SGCA: variants seen among roughly 807,000 people sequenced by gnomAD.
The protein encoded by SGCA is sarcoglycan alpha.
In SGCA, 34 loss-of-function variants were observed where a neutral mutation model predicts 38.1. The ratio of observed to expected loss-of-function variants is 0.89; its 90% CI spans 0.68 to 1.19. SGCA has a LOEUF of 1.19. Ranked by LOEUF, SGCA falls within the 50% of genes most tolerant of loss-of-function variation. The pLI, the probability that SGCA is intolerant of heterozygous loss-of-function variation, is 0.00. For missense variants in SGCA, 476 were observed against 524.9 expected, an observed-to-expected ratio of 0.91 and a Z score of 0.91; for synonymous variants, 209 against 214.6, an observed-to-expected ratio of 0.97 and a Z score of 0.23.
At chr17:50,170,705 C>CT in intron 8 of SGCA, 39 bp downstream of exon 8, 1 of 1,539,192 alleles carries the variant, frequency 6.5e-7, no homozygotes, top group Non-Finnish European at 8.8e-7. Flanking sequence ...GGGAGCCCAC[C>CT]TAGACAGTTG....
chr17:50,171,504 C>G (rs760238343), intron 8 of SGCA: 1 of 456,754 alleles, frequency 2.2e-6, no homozygotes, highest in South Asian at 1.5e-5. Flanking sequence ...GCTTGCCTGG[C>G]CTGCCTCATT....
Position 50,167,524 on chromosome 17 carries a change from G to A in SGCA, c.157+37G>A, listed in dbSNP as rs2144493683. 8 of 1,614,080 alleles carry A rather than the reference G, an allele frequency of 5.0e-6. No individual in the cohort carries two copies. Among genetic ancestry groups the A allele is most frequent in the Non-Finnish European group, 6.8e-6 (8 of 1,180,014 alleles). On this transcript the variant is annotated intron_variant, in intron 2 of 9. Coordinates refer to ENST00000262018, the MANE Select transcript of SGCA (RefSeq NM_000023.4). This position sits in a 1 kb window ranked among gnomAD's most constrained non-coding sequence, Gnocchi z 4.5. ...GACAGGCACCCAGGCGGGCGGGCTG[G>A]GGTGTACCCCGCAGGGCTCCTGCTG...
At chr17:50,172,875 T>C (rs1208154429) in intron 8 of SGCA, among the ~76,000 whole-genome samples, 1 of 152,256 alleles carries the variant, frequency 6.6e-6, no homozygotes, top group Non-Finnish European at 1.5e-5. Flanking sequence ...AGGCTTTGCT[T>C]TTATTTTCTG....
At chr17:50,174,643 G>C (rs1230640583) in intron 8 of SGCA, among the ~76,000 whole-genome samples, 1 of 151,874 alleles carries the variant, frequency 6.6e-6, no homozygotes, top group African/African-American at 2.4e-5. Context: ...CACTGCGCCC[G>C]GCCTGGTGGT....
rs1440292381 is a variant in SGCA, at chr17:50,167,492, GC to G, written c.157+6del. 3 of 1,614,170 alleles carry G rather than the reference GC, an allele frequency of 1.9e-6. No homozygotes were observed. The South Asian group carries it at 3.3e-5, about 18-fold the overall frequency. Reference sequence around the variant, plus strand: ...TGAGCCTTCCTGAGCATGTCGGTGAGCGGCCTGACAGGCACCCAGGCGGGCG... The same window carrying G: ...TGAGCCTTCCTGAGCATGTCGGTGAGGGCCTGACAGGCACCCAGGCGGGCG... On this transcript the variant is annotated splice_donor_region_variant and intron_variant, in intron 2 of 9. Coordinates refer to ENST00000262018, the MANE Select transcript of SGCA (RefSeq NM_000023.4). This position sits in a 1 kb window ranked among gnomAD's most constrained non-coding sequence, Gnocchi z 4.5.
Position 50,167,980 on chromosome 17 carries a change from A to G in SGCA, c.346A>G (p.Thr116Ala). Reference protein sequence around the residue: ...TAYNRDSFDTTRQRLVLEIGD... With the variant: ...TAYNRDSFDTARQRLVLEIGD... ...CTACAATCGGGACAGCTTTGATACC[A>G]CTCGGCAGAGGCTGGTGCTGGAGAT... Residue 116 changes from threonine to alanine, a missense_variant, in exon 4 of 10, where the codon ACT (threonine) becomes GCT (alanine). Physicochemically the swap from Thr to Ala is moderately conservative, Grantham distance 58. Coordinates refer to ENST00000262018, the MANE Select transcript of SGCA (RefSeq NM_000023.4). This position sits in a 1 kb window ranked among gnomAD's most constrained non-coding sequence, Gnocchi z 4.5. 3 of 1,613,954 alleles carry G rather than the reference A, an allele frequency of 1.9e-6. No individual in the cohort carries two copies. Among genetic ancestry groups the G allele is most frequent in the South Asian group, 1.1e-5 (1 of 91,080 alleles).
In SGCA at chr17:50,167,497, C is replaced by T. The variant is rs776498843; in HGVS notation, c.157+10C>T. The T allele has an allele frequency of 1.9e-6, 3 of 1,614,148 alleles. No homozygotes were observed. The highest frequency in any genetic ancestry group is 2.5e-6 in the Non-Finnish European group (3 of 1,180,010). On this transcript the variant is annotated intron_variant, in intron 2 of 9. Transcript: ENST00000262018. This position sits in a 1 kb window ranked among gnomAD's most constrained non-coding sequence, Gnocchi z 4.5. ...CTTCCTGAGCATGTCGGTGAGCGGC[C>T]TGACAGGCACCCAGGCGGGCGGGCT... is the stretch of plus-strand genomic sequence containing the variant.
chr17:50,174,178 G>A (rs990699114), intron 8 of SGCA, among the ~76,000 whole-genome samples: 3 of 152,028 alleles, frequency 2.0e-5, no homozygotes, highest in Non-Finnish European at 4.4e-5. Context: ...TAAATTAGCC[G>A]AGCATGGTGG....
intron 8 of SGCA, chr17:50,172,178 C>G (rs549310161): frequency 2.2e-6 from 1 of 457,030 alleles, no homozygotes; most frequent in Admixed American, 2.3e-5. Flanking sequence ...TCACCTTTAC[C>G]TGTGTGGCCA....
chr17:50,168,390 C>T lies in SGCA; in HGVS notation c.402C>T (p.Tyr134=), dbSNP rs780264754. The T allele has an allele frequency of 2.8e-5, 44 of 1,582,398 alleles. No individual in the cohort carries two copies. The highest frequency in any genetic ancestry group is 3.6e-5 in the Admixed American group (2 of 55,160). The change falls in exon 5 of 10, where the codon TAC becomes TAT. Residue 134 remains tyrosine, a synonymous_variant. Coordinates refer to ENST00000262018, the MANE Select transcript of SGCA (RefSeq NM_000023.4). ...CCTTCCCAGGCCCCCTGCTGCCATA[C>T]CAAGCCGAGTTCCTGGTGCGCAGCC... ...IGDPEGPLLP[Y]QAEFLVRSHD...
In SGCA at chr17:50,169,206, C is replaced by T. The variant is rs201860673; in HGVS notation, c.699C>T (p.Tyr233=). The T allele has an allele frequency of 5.5e-5, 88 of 1,613,902 alleles. No homozygotes were observed. Among genetic ancestry groups the T allele is most frequent in the Middle Eastern group, 1.6e-4 (1 of 6,082 alleles). ...GCCAGCCTCCACTTCTGTCTTGCTA[C>T]GACACCTTGGCACCCCACTTCCGCG... ...AQGQPPLLSC[Y]DTLAPHFRVD... is the part of the protein sequence containing the mutation. Residue 233 remains tyrosine (Y), a synonymous_variant, in exon 6 of 10, where the codon TAC becomes TAT. Coordinates refer to ENST00000262018, the MANE Select transcript of SGCA (RefSeq NM_000023.4).
chr17:50,170,705 C>T lies in SGCA; in HGVS notation c.983+39C>T. 1.9e-6 allele frequency: 3 copies of T among 1,539,192 alleles called. No individual in the cohort carries two copies. In the South Asian group the frequency reaches 3.6e-5, roughly 18 times the overall value. On this transcript the variant is annotated intron_variant, in intron 8 of 9. Transcript: ENST00000262018. ...AGCTGGGGGTGGGGTGGGAGCCCAC[C>T]TAGACAGTTGTTGGACCCCGCCACC...
chr17:50,169,257 G>A lies in SGCA; in HGVS notation c.747+3G>A, dbSNP rs368388538. Reference sequence around the variant, plus strand: ...TTGACTGGTGCAATGTGACCCTGGTGAGGAGGGACCCTGGGTCCGGGGGTG... The same window carrying A: ...TTGACTGGTGCAATGTGACCCTGGTAAGGAGGGACCCTGGGTCCGGGGGTG... On this transcript the variant is annotated splice_donor_region_variant and intron_variant, in intron 6 of 9. Coordinates refer to ENST00000262018, the MANE Select transcript of SGCA (RefSeq NM_000023.4). 4 of 1,609,324 alleles carry A rather than the reference G, an allele frequency of 2.5e-6. No individual in the cohort carries two copies. In the African/African-American group the frequency reaches 4.0e-5, roughly 16 times the overall value.
Position 50,175,238 on chromosome 17 carries a change from T to G in SGCA, c.984-19T>G. On this transcript the variant is annotated intron_variant, in intron 8 of 9. Coordinates refer to ENST00000262018, the MANE Select transcript of SGCA (RefSeq NM_000023.4). ...GCAGCTGACTCCCAGAGCTGATGAC[T>G]CCCCACCTGTGCCTCCAGCATCCAG... is the stretch of plus-strand genomic sequence containing the variant. 1 of 1,587,928 alleles carries G rather than the reference T, an allele frequency of 6.3e-7. No individual in the cohort carries two copies. Among genetic ancestry groups the G allele is most frequent in the African/African-American group, 1.3e-5 (1 of 74,664 alleles).
In SGCA at chr17:50,173,498, C is replaced by T. The variant is rs531804928; in HGVS notation, c.984-1759C>T. On this transcript the variant is annotated intron_variant, in intron 8 of 9. Coordinates refer to ENST00000262018, the MANE Select transcript of SGCA (RefSeq NM_000023.4). ...TGGAAGGACCGTGGGGAAGCCACTGCGGGGTCTGGCCTCTGCTCTTGCTCT... is the reference window on the plus strand; with the variant it reads ...TGGAAGGACCGTGGGGAAGCCACTGTGGGGTCTGGCCTCTGCTCTTGCTCT... Among the ~76,000 whole-genome samples, 18 of 152,264 alleles carry T rather than the reference C, an allele frequency of 1.2e-4. No individual in the cohort carries two copies. The South Asian group carries it at 2.1e-3, about 18-fold the overall frequency.
chr17:50,171,384 T>C, intron 8 of SGCA: 1 of 391,366 alleles, frequency 2.6e-6, no homozygotes, highest in South Asian at 1.9e-5. Flanking sequence ...CCCAGCCCTC[T>C]TCCTCTCCCA....
chr17:50,166,749 TC>T, intron 1 of SGCA, among the ~76,000 whole-genome samples: 1 of 44,276 alleles, frequency 2.3e-5, no homozygotes, highest in Non-Finnish European at 4.2e-5. Flanking sequence ...TCACACACCC[TC>T]ACACACCCTC....
Position 50,175,719 on chromosome 17 carries a change from A to T in SGCA, c.*20A>T, listed in dbSNP as rs751408157. On this transcript the variant is annotated 3_prime_UTR_variant, in exon 10 of 10. Transcript: ENST00000262018. ...CACTCTCTCTTCCCACAGTGGTTCC[A>T]GGTCCAGCCCTGACTTCATCCTCCC... is the stretch of plus-strand genomic sequence containing the variant. 7 of 624,422 alleles carry T rather than the reference A, an allele frequency of 1.1e-5. No homozygotes were observed. The highest frequency in any genetic ancestry group is 1.1e-4 in the South Asian group (7 of 66,056). The allele number at this position is 624,422 out of a possible 1,614,324, so 38.7% of individuals were successfully genotyped here. A position where few individuals can be genotyped will look rare whatever the true frequency, so the allele number is the denominator to read the frequency against.
intron 8 of SGCA, chr17:50,172,266 C>T: frequency 2.2e-6 from 1 of 457,066 alleles, no homozygotes; most frequent in Non-Finnish European, 4.4e-6. Context: ...GTGAGGTTAT[C>T]TCTGTGGTGA....
Sources: allele counts gnomAD v4.1 joint callset (sites outside exome capture counted in the v4.1 genomes callset), GRCh38; gene constraint gnomAD v4.1.1; non-coding constraint Gnocchi (gnomAD v3.1); transcripts MANE v1.5; gene names NCBI Gene and HGNC (gene_info 2026-07-23, HGNC 2026-07-21).